RBFOX1: variants seen among roughly 807,000 people sequenced by gnomAD.
The protein encoded by RBFOX1 is RNA binding fox-1 homolog 1.
In RBFOX1, 8 loss-of-function variants were observed where a neutral mutation model predicts 57.7. That is an observed-to-expected ratio of 0.14 (90% CI 0.08 to 0.25). The LOEUF (loss-of-function observed/expected upper bound fraction) is 0.25, where lower values mean the gene tolerates loss of function less well. RBFOX1 is among the 10% of genes least tolerant of loss of function. The probability of loss-of-function intolerance (pLI) is 1.00; values close to 1 mark genes in which losing one functional copy is unlikely to be tolerated. For synonymous variants in RBFOX1, 326 were observed against 222.4 expected (o/e 1.47, Z -4.15); for missense variants, 611 against 548.5 (o/e 1.11, Z -1.14).
intron 11 of RBFOX1, among the ~76,000 whole-genome samples, chr16:7,651,732 A>G (rs2065105675): frequency 6.6e-6 from 1 of 152,172 alleles, no homozygotes; most frequent in Admixed American, 6.5e-5. Context: ...GAAAGCCTGG[A>G]AAAGGAGTTG....
At chr16:6,401,582 C>T (rs922024560) in intron 2 of RBFOX1, among the ~76,000 whole-genome samples, 1 of 152,114 alleles carries the variant, frequency 6.6e-6, no homozygotes, top group South Asian at 2.1e-4. Context: ...TATAATGTGT[C>T]TTTAACTAAA....
At chr16:7,386,655 C>CT (rs1236268389) in intron 4 of RBFOX1, among the ~76,000 whole-genome samples, 2 of 152,006 alleles carry the variant, frequency 1.3e-5, no homozygotes, top group African/African-American at 2.4e-5. Flanking sequence ...GGTTCCAAGT[C>CT]TTTTTTATTG....
At chr16:6,839,610 C>A (rs777815916) in intron 3 of RBFOX1, among the ~76,000 whole-genome samples, 4 of 152,100 alleles carry the variant, frequency 2.6e-5, no homozygotes, top group Non-Finnish European at 4.4e-5. Flanking sequence ...CTTTCGGGGA[C>A]CTTGGTAGGT....
chr16:6,718,252 G>C (rs937527788), intron 3 of RBFOX1, among the ~76,000 whole-genome samples: 39 of 152,136 alleles, frequency 2.6e-4, no homozygotes, highest in African/African-American at 9.4e-4. Flanking sequence ...CCATATGGTA[G>C]GTATGTTGGC....
intron 4 of RBFOX1, among the ~76,000 whole-genome samples, chr16:7,351,778 A>G (rs2097134236): frequency 6.6e-6 from 1 of 152,136 alleles, no homozygotes; most frequent in Non-Finnish European, 1.5e-5. Context: ...GTGCTTTTCC[A>G]GATTTTAGGA....
intron 3 of RBFOX1, among the ~76,000 whole-genome samples, chr16:5,637,208 A>C (rs2191097): frequency 0.24 from 37,251 of 152,164 alleles, 4,882 homozygotes; most frequent in South Asian, 0.41. Flanking sequence ...AAAGAAGCAA[A>C]TCAGCCTAAA....
intron 1 of RBFOX1, among the ~76,000 whole-genome samples, chr16:5,423,289 A>C (rs1277985026): frequency 6.6e-6 from 1 of 152,064 alleles, no homozygotes; most frequent in Non-Finnish European, 1.5e-5. Flanking sequence ...CCATCTGTTC[A>C]CTAAACCACA....
chr16:6,372,029 G>T (rs2090498947), intron 2 of RBFOX1, among the ~76,000 whole-genome samples: 1 of 152,190 alleles, frequency 6.6e-6, no homozygotes, highest in South Asian at 2.1e-4. Flanking sequence ...AGGATTGTTG[G>T]GTGAAACGAT....
chr16:5,469,978 T>C (rs1399725034), intron 2 of RBFOX1, among the ~76,000 whole-genome samples: 1 of 152,200 alleles, frequency 6.6e-6, no homozygotes, highest in Non-Finnish European at 1.5e-5. Context: ...CATGTACTTG[T>C]CTGAGTTCCT....
intron 1 of RBFOX1, among the ~76,000 whole-genome samples, chr16:6,305,633 T>C (rs2079412922): frequency 6.8e-6 from 1 of 147,662 alleles, no homozygotes; most frequent in Admixed American, 6.8e-5. Context: ...AAACACATAC[T>C]GTAGTCATAC....
At chr16:6,874,964 G>A (rs2061571114) in intron 3 of RBFOX1, among the ~76,000 whole-genome samples, 1 of 152,120 alleles carries the variant, frequency 6.6e-6, no homozygotes, top group Admixed American at 6.5e-5. Flanking sequence ...CAAGAAGCTT[G>A]GCTTCATAAC....
Position 6,747,282 on chromosome 16 carries a change from T to G in RBFOX1, c.-16+92632T>G, listed in dbSNP as rs191864520. On this transcript the variant is annotated intron_variant, in intron 3 of 15. Transcript: ENST00000550418. ...AAATTAGCCTGGCATGGTGGTGTGTTTGAAATCCCAGCTACTCAAGAGGCT... is the reference window on the plus strand; with the variant it reads ...AAATTAGCCTGGCATGGTGGTGTGTGTGAAATCCCAGCTACTCAAGAGGCT... Among the ~76,000 whole-genome samples, 58 of 152,096 alleles carry G rather than the reference T, an allele frequency of 3.8e-4. 1 individual carries two copies. The East Asian group carries it at 5.0e-3, about 13-fold the overall frequency.
At chr16:7,007,918 G>A (rs2093396460) in intron 3 of RBFOX1, among the ~76,000 whole-genome samples, 1 of 152,148 alleles carries the variant, frequency 6.6e-6, no homozygotes, top group Non-Finnish European at 1.5e-5. Flanking sequence ...CTTGCTAGCT[G>A]GGGCCTCCTA....
Position 5,385,799 on chromosome 16 carries a change from C to T in RBFOX1, c.220-81417C>T, listed in dbSNP as rs537863061. 3.9e-5 allele frequency among the ~76,000 whole-genome samples: 6 copies of T among 152,154 alleles called. No homozygotes were observed. In the South Asian group the frequency reaches 6.2e-4, roughly 16 times the overall value. On this transcript the variant is annotated intron_variant, in intron 1 of 2. Coordinates refer to the RBFOX1 transcript ENST00000585867. ...TCGAGCAGTGGCCTTGTCTGTTTTC[C>T]ATGAATCCCTCAATCAGCACCAATA...
At chr16:7,046,583 C>T (rs958654905) in intron 3 of RBFOX1, among the ~76,000 whole-genome samples, 4 of 133,490 alleles carry the variant, frequency 3.0e-5, no homozygotes, top group African/African-American at 8.3e-5. Flanking sequence ...CTCTTTGTTT[C>T]TGTAGTCTTT....
chr16:5,544,948 A>G (rs1383120243), intron 2 of RBFOX1, among the ~76,000 whole-genome samples: 2 of 112,712 alleles, frequency 1.8e-5, no homozygotes, highest in African/African-American at 3.9e-5. Flanking sequence ...TTACTATTAC[A>G]TTCTTTTTTT....
intron 4 of RBFOX1, chr16:7,431,406 G>C (rs1255441670): frequency 6.7e-6 from 1 of 149,920 alleles, no homozygotes; most frequent in Admixed American, 6.7e-5. Context: ...TTTTAATTTT[G>C]TGTGTGTGTG....
intron 4 of RBFOX1, among the ~76,000 whole-genome samples, chr16:7,235,160 A>G (rs1330668801): frequency 6.6e-6 from 1 of 152,226 alleles, no homozygotes; most frequent in Non-Finnish European, 1.5e-5. Flanking sequence ...ATAAACATTC[A>G]TTTGGCATCA....
intron 3 of RBFOX1, among the ~76,000 whole-genome samples, chr16:6,859,139 AC>A: frequency 9.8e-6 from 1 of 101,550 alleles, no homozygotes; most frequent in Non-Finnish European, 1.9e-5. Context: ...ACATATATAT[AC>A]GTATATATAT....
Sources: gnomAD v4.1 joint callset for allele counts (sites outside exome capture counted in the v4.1 genomes callset) on GRCh38, gnomAD v4.1.1 for gene constraint, MANE v1.5 for transcripts, NCBI Gene and HGNC (gene_info 2026-07-23, HGNC 2026-07-21) for gene names.